The following SYCP2 variants were observed in gnomAD, a reference collection of about 807,000 sequenced individuals.
SYCP2 encodes the protein synaptonemal complex lateral element protein.
A neutral mutation model predicts 211.3 loss-of-function variants in SYCP2; 55 were observed. That is an observed-to-expected ratio of 0.26 (90% CI 0.21 to 0.33). SYCP2 has a LOEUF of 0.33. Among genes scored for constraint, SYCP2 ranks in the 10% least tolerant of loss-of-function variants. The pLI is 1.00. For missense variants in SYCP2, 1,731 were observed against 1,752.0 expected (o/e 0.99, Z 0.21); for synonymous variants, 570 against 555.2 (o/e 1.03, Z -0.37).
chr20:59,901,872 A>C, intron 15 of SYCP2, 62 bp from the exon 16 acceptor site: 1 of 1,277,628 alleles, frequency 7.8e-7, no homozygotes. Flanking sequence ...AGTATACTAT[A>C]AATAAGACAT....
chr20:59,871,682 T>C (rs1263217080), intron 35 of SYCP2, among the ~76,000 whole-genome samples: 1 of 151,962 alleles, frequency 6.6e-6, no homozygotes. Flanking sequence ...AAATCTGTGA[T>C]ATAAAATGGT....
Position 59,880,286 on chromosome 20 carries a change from A to C in SYCP2, c.2941+17T>G. ...GCAAAATCATTTGCAACATTTATCC[A>C]AAAGATAATTTCTTACTTGATTTTC... On this transcript the variant is annotated intron_variant, in intron 31 of 44. Transcript: ENST00000357552. 6.5e-7 allele frequency: 1 copy of C among 1,549,414 alleles called. No individual in the cohort carries two copies. The highest frequency in any genetic ancestry group is 8.8e-7 in the Non-Finnish European group (1 of 1,139,338).
At chr20:59,864,465 A>T in intron 44 of SYCP2, 77 bp from the exon 45 acceptor site, 1 of 1,010,754 alleles carries the variant, frequency 9.9e-7, no homozygotes, top group South Asian at 1.5e-5. Context: ...TAGAAAAAAA[A>T]AAATCAAGCT....
intron 39 of SYCP2, among the ~76,000 whole-genome samples, chr20:59,867,241 T>G (rs1343267704): frequency 1.3e-5 from 2 of 150,668 alleles, no homozygotes; most frequent in East Asian, 3.9e-4. Flanking sequence ...TTACTAATAA[T>G]TAAAAACTGT....
intron 2 of SYCP2, 42 bp from the exon 3 acceptor site, chr20:59,922,501 TTCA>T: frequency 9.7e-7 from 1 of 1,029,610 alleles, no homozygotes; most frequent in Non-Finnish European, 1.4e-6. Context: ...CACAATCTGT[TTCA>T]TGTGTTTATC....
At chr20:59,871,616 GAAAC>G (rs1291654901) in intron 35 of SYCP2, among the ~76,000 whole-genome samples, 2 of 151,842 alleles carry the variant, frequency 1.3e-5, no homozygotes, top group African/African-American at 4.8e-5. Flanking sequence ...AAGAATGACA[GAAAC>G]AAAGGGATTG....
chr20:59,916,909 C>G (rs1297647832), intron 7 of SYCP2, among the ~76,000 whole-genome samples: 1 of 151,930 alleles, frequency 6.6e-6, no homozygotes, highest in African/African-American at 2.4e-5. Flanking sequence ...AGAGTGAGAC[C>G]CTGTCTCAAA....
chr20:59,868,761 A>C (rs2059396909), intron 37 of SYCP2, 74 bp downstream of exon 37: 1 of 1,392,480 alleles, frequency 7.2e-7, no homozygotes, highest in African/African-American at 1.5e-5. Context: ...CTTAAAATAC[A>C]TAATTCCTTT....
intron 15 of SYCP2, among the ~76,000 whole-genome samples, chr20:59,904,058 A>C (rs540280584): frequency 1.1e-4 from 16 of 152,296 alleles, no homozygotes; most frequent in Admixed American, 1.0e-3. Flanking sequence ...GGAGAAAAGA[A>C]GACAAGCAAG....
Position 59,922,457 on chromosome 20 carries a change from C to T in SYCP2, c.-44G>A, listed in dbSNP as rs1299991906. 31 of 1,375,098 alleles carry T rather than the reference C, an allele frequency of 2.3e-5. No individual in the cohort carries two copies. The highest frequency in any genetic ancestry group is 3.0e-5 in the Non-Finnish European group (30 of 1,002,938). The allele number at this position is 1,375,098 out of a possible 1,614,324, so 85.2% of individuals were successfully genotyped here. A position where few individuals can be genotyped will look rare whatever the true frequency, so the allele number is the denominator to read the frequency against. ...AAAAAAAAAAGCAAGACAAAATAAA[C>T]ACCTATAAAAGAAAACATATATTTT... On this transcript the variant is annotated splice_region_variant and 5_prime_UTR_variant, in exon 3 of 45. Coordinates refer to ENST00000357552, the MANE Select transcript of SYCP2 (RefSeq NM_014258.4).
At chr20:59,907,936 A>C (rs1303890219) in intron 14 of SYCP2, among the ~76,000 whole-genome samples, 1 of 152,190 alleles carries the variant, frequency 6.6e-6, no homozygotes, top group Non-Finnish European at 1.5e-5. Context: ...GAATTCACAA[A>C]GTTATAGTAA....
At position 59,893,549 on chromosome 20, in the gene SYCP2, A is replaced by G. The variant is rs1335589928; in HGVS notation, c.1710T>C (p.Asn570=). ...AKCVENTENK[N]VEFPNQNFSE... ...TAAAATTTTGGTTTGGGAATTCAAC[A>G]TTCTTATTTTCTGTGTTTTCTACAC... Residue 570 remains asparagine (N), a synonymous_variant, in exon 21 of 45, where the codon AAT becomes AAC. Coordinates refer to ENST00000357552, the MANE Select transcript of SYCP2 (RefSeq NM_014258.4). The G allele has an allele frequency of 6.2e-7, 1 of 1,608,844 alleles. No individual in the cohort carries two copies. The highest frequency in any genetic ancestry group is 8.5e-7 in the Non-Finnish European group (1 of 1,176,846).
Position 59,868,568 on chromosome 20 carries a change from C to A in SYCP2, c.3833G>T (p.Gly1278Val). The part of the protein sequence containing the change: ...DMPCDATHVS[G>V]PTQHLSRKRI... ...TTTGCGACTAAGATGTTGGGTGGGG[C>A]CTTAGGAACAGTTAAAGAAAGTTAA... Residue 1278 changes from glycine (G) to valine (V), a missense_variant and splice_region_variant, in exon 38 of 45, where the codon GGC (glycine) becomes GTC (valine). Transcript: ENST00000357552. 6.3e-7 allele frequency: 1 copy of A among 1,585,668 alleles called. No homozygotes were observed. The highest frequency in any genetic ancestry group is 8.5e-7 in the Non-Finnish European group (1 of 1,172,130).
At chr20:59,904,232 G>T (rs1049552962) in intron 15 of SYCP2, among the ~76,000 whole-genome samples, 1 of 152,120 alleles carries the variant, frequency 6.6e-6, no homozygotes, top group South Asian at 2.1e-4. Context: ...TCAATGTACT[G>T]CCTGATACAG....
Position 59,884,563 on chromosome 20 carries a change from G to A in SYCP2, c.2529+1365C>T, listed in dbSNP as rs546885276. ...TGTGATTCATCTTCAATTTCTTTCCGTTATTTTATATAGACGTATTTGCAT... is the reference window on the plus strand; with the variant it reads ...TGTGATTCATCTTCAATTTCTTTCCATTATTTTATATAGACGTATTTGCAT... On this transcript the variant is annotated intron_variant, in intron 26 of 44. Coordinates refer to ENST00000357552, the MANE Select transcript of SYCP2 (RefSeq NM_014258.4). Among the ~76,000 whole-genome samples, 22 of 151,822 alleles carry A rather than the reference G, an allele frequency of 1.4e-4. No individual in the cohort carries two copies. In the South Asian group the frequency reaches 3.9e-3, roughly 27 times the overall value.
intron 14 of SYCP2, among the ~76,000 whole-genome samples, chr20:59,911,375 C>T (rs1419437243): frequency 1.3e-5 from 2 of 152,188 alleles, no homozygotes; most frequent in Non-Finnish European, 2.9e-5. Flanking sequence ...GTTAGGTCCA[C>T]TTGTCACTGT....
At chr20:59,878,654 T>C (rs1348431981) in intron 31 of SYCP2, among the ~76,000 whole-genome samples, 2 of 152,166 alleles carry the variant, frequency 1.3e-5, no homozygotes, top group African/African-American at 4.8e-5. Context: ...AGTTACTTGC[T>C]TTAAAAACAA....
At chr20:59,923,769 C>T (rs775234359) in intron 2 of SYCP2, among the ~76,000 whole-genome samples, 1 of 151,616 alleles carries the variant, frequency 6.6e-6, no homozygotes, top group Admixed American at 6.6e-5. Context: ...TGAAAGAATA[C>T]GTAACTACTA....
At chr20:59,874,246 A>C (rs1307925899) in intron 34 of SYCP2, among the ~76,000 whole-genome samples, 185 bp from the exon 35 acceptor site, 1 of 152,126 alleles carries the variant, frequency 6.6e-6, no homozygotes, top group Non-Finnish European at 1.5e-5. Context: ...AGACTGAAAA[A>C]CAAAATGGCT....
Sources: gnomAD v4.1 joint callset for allele counts (sites outside exome capture counted in the v4.1 genomes callset) on GRCh38, gnomAD v4.1.1 for gene constraint, MANE v1.5 for transcripts, NCBI Gene and HGNC (gene_info 2026-07-23, HGNC 2026-07-21) for gene names.